The following PCMTD1 variants were observed in gnomAD, a reference collection of about 807,000 sequenced individuals.
The protein encoded by PCMTD1 is protein-L-isoaspartate (D-aspartate) O-methyltransferase domain containing 1.
A neutral mutation model predicts 37.6 loss-of-function variants in PCMTD1; 12 were observed. That is an observed-to-expected ratio of 0.32 (90% confidence interval 0.20 to 0.52). The LOEUF (loss-of-function observed/expected upper bound fraction) is 0.52, where lower values mean the gene tolerates loss of function less well. Among genes scored for constraint, PCMTD1 ranks in the 20% least tolerant of loss-of-function variants. PCMTD1 has a pLI of 0.97. For missense variants in PCMTD1, 235 were observed against 421.3 expected (o/e 0.56, Z 3.87); for synonymous variants, 117 against 135.8 (o/e 0.86, Z 0.96).
chr8:51,831,271 C>CT (rs1339427963), intron 5 of PCMTD1, among the ~76,000 whole-genome samples, 173 bp downstream of exon 5: 1 of 149,916 alleles, frequency 6.7e-6, no homozygotes, highest in Non-Finnish European at 1.5e-5. Context: ...GCACTCGAGC[C>CT]TGGGCAACAG....
chr8:51,883,094 G>A (rs1054756493), intron 1 of PCMTD1, among the ~76,000 whole-genome samples: 2 of 151,830 alleles, frequency 1.3e-5, no homozygotes, highest in East Asian at 1.9e-4. Context: ...CTGAGATCGC[G>A]CCACTGGACT....
intron 3 of PCMTD1, 127 bp downstream of exon 3, chr8:51,845,534 T>G (rs1454220616): frequency 1.8e-6 from 1 of 569,206 alleles, no homozygotes; most frequent in African/African-American, 1.9e-5. Flanking sequence ...TTTTCTCATT[T>G]TATGGTGCAC....
chr8:51,880,410 T>C (rs2038775434), intron 1 of PCMTD1, among the ~76,000 whole-genome samples: 1 of 152,214 alleles, frequency 6.6e-6, no homozygotes, highest in African/African-American at 2.4e-5. Flanking sequence ...ACATGTTTTG[T>C]ATTTTCATCT....
At chr8:51,889,306 G>T (rs991062847) in intron 1 of PCMTD1, among the ~76,000 whole-genome samples, 1 of 152,150 alleles carries the variant, frequency 6.6e-6, no homozygotes, top group Admixed American at 6.5e-5. Context: ...GATTATTAAT[G>T]CAACTATCAT....
At chr8:51,882,553 G>A (rs913602407) in intron 1 of PCMTD1, among the ~76,000 whole-genome samples, 1 of 152,032 alleles carries the variant, frequency 6.6e-6, no homozygotes, top group Non-Finnish European at 1.5e-5. Flanking sequence ...CAAAGTAAGG[G>A]TCTATATGCT....
intron 2 of PCMTD1, among the ~76,000 whole-genome samples, chr8:51,854,362 G>GT (rs1388842588): frequency 1.7e-5 from 2 of 114,630 alleles, no homozygotes; most frequent in Non-Finnish European, 4.2e-5. Context: ...CACAACCAGT[G>GT]TAAGTGAGAG....
chr8:51,867,616 G>A (rs1049880766), intron 1 of PCMTD1, among the ~76,000 whole-genome samples: 5 of 151,478 alleles, frequency 3.3e-5, no homozygotes, highest in Non-Finnish European at 7.4e-5. Context: ...TTACTATTCA[G>A]CCTTTAAAAG....
At position 51,865,827 on chromosome 8, in the gene PCMTD1, GA is replaced by G. The variant is rs200722342; in HGVS notation, c.-95-4582del. ...AATGCTAGCTGGAACAATTAAACAA[GA>G]AAAAAAAAATAAAGGGCATCTAAAT... On this transcript the variant is annotated intron_variant, in intron 1 of 5. Transcript: ENST00000522514. Among the ~76,000 whole-genome samples the G allele has an allele frequency of 1.6e-3, 233 of 146,144 alleles. 1 individual carries two copies. Among genetic ancestry groups the G allele is most frequent in the African/African-American group, 5.6e-3 (223 of 39,882 alleles).
intron 1 of PCMTD1, among the ~76,000 whole-genome samples, chr8:51,873,676 A>T (rs1281336270): frequency 6.6e-6 from 1 of 151,964 alleles, no homozygotes; most frequent in Non-Finnish European, 1.5e-5. Flanking sequence ...CTCCTGCGAT[A>T]CGGTATTTTA....
chr8:51,898,117 G>C (rs988233246), intron 1 of PCMTD1, among the ~76,000 whole-genome samples: 4 of 151,794 alleles, frequency 2.6e-5, no homozygotes, highest in African/African-American at 9.7e-5. Flanking sequence ...AATAAATAGG[G>C]GAAAAACACT....
intron 3 of PCMTD1, among the ~76,000 whole-genome samples, chr8:51,841,791 G>C (rs1233861246): frequency 6.6e-6 from 1 of 152,134 alleles, no homozygotes; most frequent in Non-Finnish European, 1.5e-5. Context: ...GCTAAAAACA[G>C]GATGTTTAGG....
intron 2 of PCMTD1, among the ~76,000 whole-genome samples, chr8:51,847,973 C>T (rs1177608047): frequency 2.0e-5 from 3 of 151,830 alleles, no homozygotes; most frequent in African/African-American, 7.3e-5. Flanking sequence ...CCCAGCTACT[C>T]GAGAGGCTGA....
chr8:51,894,429 A>G (rs547602339), intron 1 of PCMTD1, among the ~76,000 whole-genome samples: 23 of 152,332 alleles, frequency 1.5e-4, no homozygotes, highest in Non-Finnish European at 2.5e-4. Context: ...GGTCAAGAAC[A>G]CAGACTTGGA....
rs191421924 is a variant in PCMTD1 at position 51,843,022 on chromosome 8, C to G, written c.410+2639G>C. Among the ~76,000 whole-genome samples, 40 of 152,070 alleles carry G rather than the reference C, an allele frequency of 2.6e-4. No homozygotes were observed. In the East Asian group the frequency reaches 7.5e-3, roughly 29 times the overall value. On this transcript the variant is annotated intron_variant, in intron 3 of 5. Transcript: ENST00000522514. ...TGCTTAGAAATGAGATTTTTAAAAC[C>G]ACTTTGCATAGCAAGTTTGTAAAAT...
Position 51,883,885 on chromosome 8 carries a change from G to A in PCMTD1, c.-96+15045C>T, listed in dbSNP as rs144286183. Among the ~76,000 whole-genome samples, 140 of 152,130 alleles carry A rather than the reference G, an allele frequency of 9.2e-4. No homozygotes were observed. In the South Asian group the frequency reaches 0.011, roughly 12 times the overall value. ...AAAGACATAGTTCATAAATATTCCC[G>A]TGCAAATAAACCCAAACAAAATAGG... On this transcript the variant is annotated intron_variant, in intron 1 of 5. Transcript: ENST00000522514.
chr8:51,873,677 C>T (rs903429164), intron 1 of PCMTD1, among the ~76,000 whole-genome samples: 1 of 152,006 alleles, frequency 6.6e-6, no homozygotes, highest in Non-Finnish European at 1.5e-5. Context: ...TCCTGCGATA[C>T]GGTATTTTAA....
intron 3 of PCMTD1, among the ~76,000 whole-genome samples, chr8:51,841,441 G>C (rs986793819): frequency 6.6e-6 from 1 of 152,074 alleles, no homozygotes; most frequent in Non-Finnish European, 1.5e-5. Context: ...ACAGCTATAA[G>C]TCACCTAAAA....
intron 1 of PCMTD1, among the ~76,000 whole-genome samples, chr8:51,863,834 G>A (rs931479685): frequency 1.5e-4 from 23 of 151,944 alleles, no homozygotes; most frequent in African/African-American, 5.3e-4. Flanking sequence ...AGCTGAGCCA[G>A]GAGAACTGCT....
intron 1 of PCMTD1, among the ~76,000 whole-genome samples, chr8:51,897,766 T>C (rs773212135): frequency 5.3e-5 from 8 of 152,274 alleles, no homozygotes; most frequent in South Asian, 2.1e-4. Flanking sequence ...AAGAAAAGGC[T>C]TCCCCAAGCC....
Sources: allele counts gnomAD v4.1 joint callset (sites outside exome capture counted in the v4.1 genomes callset), GRCh38; gene constraint gnomAD v4.1.1; transcripts MANE v1.5; gene names NCBI Gene and HGNC (gene_info 2026-07-23, HGNC 2026-07-21).